PDS5B: variants seen among roughly 807,000 people sequenced by gnomAD.
PDS5B encodes the protein PDS5 cohesin associated factor B, also known as sister chromatid cohesion protein PDS5 homolog B.
In PDS5B, 51 loss-of-function variants were observed where a neutral mutation model predicts 184.1. The observed-to-expected ratio is 0.28, with a 90% CI of 0.22 to 0.35. The LOEUF (loss-of-function observed/expected upper bound fraction) is 0.35, where lower values mean the gene tolerates loss of function less well. Ranked by LOEUF, PDS5B falls within the 10% of genes least tolerant of loss-of-function variation. The pLI, the probability that PDS5B is intolerant of heterozygous loss-of-function variation, is 1.00. For synonymous variants in PDS5B, 566 were observed against 569.2 expected (o/e 0.99, Z 0.08); for missense variants, 1,180 against 1,723.3 (o/e 0.68, Z 5.58).
At chr13:32,690,056 A>T (rs1244883787) in intron 13 of PDS5B, 1 of 152,194 alleles carries the variant, frequency 6.6e-6, no homozygotes, top group Non-Finnish European at 1.5e-5. Flanking sequence ...AGGAAATTAA[A>T]TCTATAAAGA....
intron 1 of PDS5B, among the ~76,000 whole-genome samples, chr13:32,639,635 A>G (rs2058623494): frequency 6.6e-6 from 1 of 152,232 alleles, no homozygotes; most frequent in African/African-American, 2.4e-5. Context: ...TTGTCCCTCA[A>G]CAAGAATAAG....
rs893606302 is a variant in PDS5B, at chr13:32,773,111, C to T, written c.4173-78C>T. 2.6e-5 allele frequency: 32 copies of T among 1,215,202 alleles called. No individual in the cohort carries two copies. In the Middle Eastern group the frequency reaches 6.8e-4, roughly 26 times the overall value. The allele number at this position is 1,215,202 out of a possible 1,614,324, so 75.3% of individuals were successfully genotyped here. On this transcript the variant is annotated intron_variant, in intron 33 of 34. Coordinates refer to ENST00000315596, the MANE Select transcript of PDS5B (RefSeq NM_015032.4). Reference sequence around the variant, plus strand: ...GTAAAGATGATATGACGATGAAATACGTGAAACATTTCTTCTAACGAGGTA... The same window carrying T: ...GTAAAGATGATATGACGATGAAATATGTGAAACATTTCTTCTAACGAGGTA...
intron 19 of PDS5B, among the ~76,000 whole-genome samples, chr13:32,716,879 C>A (rs1424230763): frequency 8.7e-6 from 1 of 115,378 alleles, no homozygotes; most frequent in Non-Finnish European, 2.0e-5. Context: ...CCGCCCCGTC[C>A]GGGAGGTGAG....
intron 1 of PDS5B, among the ~76,000 whole-genome samples, chr13:32,625,215 C>T (rs1055138734): frequency 6.6e-6 from 1 of 152,146 alleles, no homozygotes; most frequent in Non-Finnish European, 1.5e-5. Context: ...CATCTGGGCT[C>T]AAGCGATCCT....
chr13:32,694,342 A>T, intron 14 of PDS5B, 38 bp downstream of exon 14: 1 of 1,250,152 alleles, frequency 8.0e-7, no homozygotes, highest in Admixed American at 1.9e-5. Context: ...TTTTTAAAAC[A>T]CATGTATTTT....
At chr13:32,727,182 GGTTT>G (rs1952932776) in intron 19 of PDS5B, among the ~76,000 whole-genome samples, 1 of 151,876 alleles carries the variant, frequency 6.6e-6, no homozygotes, top group East Asian at 1.9e-4. Flanking sequence ...CTTTACTATT[GGTTT>G]ATCTACATCC....
At chr13:32,710,313 G>T (rs1952164883) in intron 19 of PDS5B, among the ~76,000 whole-genome samples, 2 of 152,102 alleles carry the variant, frequency 1.3e-5, no homozygotes, top group South Asian at 4.1e-4. Flanking sequence ...GATAAACATG[G>T]CATGTCTTTC....
chr13:32,646,742 C>A (rs1175233723), intron 1 of PDS5B, among the ~76,000 whole-genome samples: 1 of 152,034 alleles, frequency 6.6e-6, no homozygotes, highest in African/African-American at 2.4e-5. Flanking sequence ...ATTACATACA[C>A]ATATAGTACT....
intron 7 of PDS5B, 55 bp downstream of exon 7, chr13:32,667,899 T>C: frequency 2.0e-6 from 2 of 1,022,506 alleles, no homozygotes; most frequent in Non-Finnish European, 1.4e-6. Context: ...ATTTAAAGAC[T>C]TGCTAGAAGC....
At chr13:32,643,465 A>G (rs527424587) in intron 1 of PDS5B, among the ~76,000 whole-genome samples, 50 of 152,292 alleles carry the variant, frequency 3.3e-4, no homozygotes, top group African/African-American at 1.2e-3. Context: ...AAGTGTCTTC[A>G]GAACTTTTTA....
In PDS5B at chr13:32,639,336, T is replaced by C. The variant is rs369494652; in HGVS notation, c.-19-9418T>C. Among the ~76,000 whole-genome samples the C allele has an allele frequency of 4.6e-5, 7 of 152,268 alleles. No individual in the cohort carries two copies. The East Asian group carries it at 9.6e-4, about 21-fold the overall frequency. ...TTACAAATAAACATTAACAAAAATATGTATTCAAAGAAAGGGTCCAGTTTC... is the reference window on the plus strand; with the variant it reads ...TTACAAATAAACATTAACAAAAATACGTATTCAAAGAAAGGGTCCAGTTTC... On this transcript the variant is annotated intron_variant, in intron 1 of 34. Transcript: ENST00000315596.
intron 30 of PDS5B, among the ~76,000 whole-genome samples, chr13:32,762,135 G>C (rs2141018297): frequency 6.6e-6 from 1 of 152,164 alleles, no homozygotes; most frequent in Non-Finnish European, 1.5e-5. Flanking sequence ...GCTCATTAAA[G>C]AAGAGTTTTT....
intron 17 of PDS5B, among the ~76,000 whole-genome samples, chr13:32,702,732 T>C (rs1951897976): frequency 6.6e-6 from 1 of 152,174 alleles, no homozygotes; most frequent in African/African-American, 2.4e-5. Flanking sequence ...ATTTATAGTG[T>C]AATGTGGCAT....
chr13:32,617,228 C>T (rs1244980360), intron 1 of PDS5B, among the ~76,000 whole-genome samples: 1 of 152,178 alleles, frequency 6.6e-6, no homozygotes, highest in Non-Finnish European at 1.5e-5. Flanking sequence ...TTAATATAAT[C>T]TAGGGTGATG....
rs945899341 is a variant in PDS5B at position 32,719,935 on chromosome 13, C to T, written c.2123+9829C>T. On this transcript the variant is annotated intron_variant, in intron 19 of 34. Coordinates refer to ENST00000315596, the MANE Select transcript of PDS5B (RefSeq NM_015032.4). Reference sequence around the variant, plus strand: ...CCACCCAAATAGCTGGGATTACAGGCGTGTGCCACCACCCCTGGCAATTTT... The same window carrying T: ...CCACCCAAATAGCTGGGATTACAGGTGTGTGCCACCACCCCTGGCAATTTT... Among the ~76,000 whole-genome samples the T allele has an allele frequency of 3.9e-5, 6 of 152,134 alleles. No homozygotes were observed. The East Asian group carries it at 5.8e-4, about 15-fold the overall frequency.
rs564399298 is a variant in PDS5B, at chr13:32,674,161, A to T, written c.846+805A>T. Reference sequence around the variant, plus strand: ...TTCCTAACTGTTTTGACATTAAATTATGCTGTAAAATTGAGCAGAATTGGA... The same window carrying T: ...TTCCTAACTGTTTTGACATTAAATTTTGCTGTAAAATTGAGCAGAATTGGA... On this transcript the variant is annotated intron_variant, in intron 8 of 34. Transcript: ENST00000315596. Among the ~76,000 whole-genome samples, 5 of 152,322 alleles carry T rather than the reference A, an allele frequency of 3.3e-5. No homozygotes were observed. The East Asian group carries it at 9.6e-4, about 29-fold the overall frequency.
intron 1 of PDS5B, among the ~76,000 whole-genome samples, chr13:32,613,826 G>T (rs1407296372): frequency 6.6e-6 from 1 of 152,110 alleles, no homozygotes; most frequent in Non-Finnish European, 1.5e-5. Flanking sequence ...GGGTTGTAAG[G>T]ATTTAAATCT....
chr13:32,672,479 A>C (rs1239426773), intron 7 of PDS5B, among the ~76,000 whole-genome samples: 6 of 152,192 alleles, frequency 3.9e-5, no homozygotes, highest in Non-Finnish European at 8.8e-5. Context: ...GGAATTTATT[A>C]GGGGAATTGA....
chr13:32,615,647 A>T (rs558538674), intron 1 of PDS5B, among the ~76,000 whole-genome samples: 2 of 152,270 alleles, frequency 1.3e-5, no homozygotes, highest in Non-Finnish European at 1.5e-5. Flanking sequence ...TGTAATGAAG[A>T]GTGTGTGAAT....
Sources: allele counts gnomAD v4.1 joint callset (sites outside exome capture counted in the v4.1 genomes callset), GRCh38; gene constraint gnomAD v4.1.1; transcripts MANE v1.5; gene names NCBI Gene and HGNC (gene_info 2026-07-23, HGNC 2026-07-21).